VCL: variants seen among roughly 807,000 people sequenced by gnomAD.
VCL encodes epididymis luminal protein 114.
A neutral mutation model predicts 125.7 loss-of-function variants in VCL; 47 were observed. The observed-to-expected ratio is 0.37, with a 90% CI of 0.30 to 0.48. VCL has a LOEUF of 0.48. VCL is among the 20% of genes least tolerant of loss of function. VCL has a pLI of 0.99. For missense variants in VCL, 1,069 were observed against 1,455.5 expected (o/e 0.73, Z 4.32); for synonymous variants, 458 against 514.6 (o/e 0.89, Z 1.49).
At position 74,089,323 on chromosome 10, in the gene VCL, A is replaced by G. The variant is rs1839839654; in HGVS notation, c.1150A>G (p.Ile384Val). ...LEAMTNSKQS[I>V]AKKIDAAQNW... ...AGCCATGACCAACTCAAAGCAGAGC[A>G]TTGCAAAGAAGATCGATGCTGCTCA... The change falls in exon 9 of 22, where the codon ATT (isoleucine) becomes GTT (valine). Residue 384 changes from isoleucine (I) to valine (V), a missense_variant. Transcript: ENST00000211998. The G allele has an allele frequency of 6.2e-7, 1 of 1,614,000 alleles. No homozygotes were observed. The highest frequency in any genetic ancestry group is 1.7e-4 in the Middle Eastern group (1 of 6,060).
Position 74,118,619 on chromosome 10 carries a change from C to A in VCL, c.*450C>A. The A allele has an allele frequency of 4.0e-6, 1 of 250,612 alleles. No individual in the cohort carries two copies. The highest frequency in any genetic ancestry group is 7.9e-6 in the Non-Finnish European group (1 of 126,084). The allele number at this position is 250,612 out of a possible 1,614,324, so 15.5% of individuals were successfully genotyped here. A position where few individuals can be genotyped will look rare whatever the true frequency, so the allele number is the denominator to read the frequency against. ...ACTAAGAAGAAAATTGCTGTGCCTC[C>A]CAAAATTGTTTTGAGCTTTCCATGT... is the stretch of plus-strand genomic sequence containing the variant. On this transcript the variant is annotated 3_prime_UTR_variant, in exon 22 of 22. Transcript: ENST00000211998.
chr10:74,060,578 C>G (rs1012089745), intron 2 of VCL, among the ~76,000 whole-genome samples: 20 of 150,720 alleles, frequency 1.3e-4, no homozygotes, highest in Non-Finnish European at 2.7e-4. Context: ...ATTGCTTGAG[C>G]CCAGGGAACG....
chr10:74,089,162 G>A, intron 8 of VCL, 34 bp from the exon 9 acceptor site: 2 of 1,613,490 alleles, frequency 1.2e-6, no homozygotes, highest in Non-Finnish European at 1.7e-6. Flanking sequence ...GTATTTGAGG[G>A]TGTACAATGA....
chr10:74,041,166 AT>A (rs56303815), intron 1 of VCL, among the ~76,000 whole-genome samples: 5 of 151,038 alleles, frequency 3.3e-5, no homozygotes, highest in African/African-American at 1.2e-4. Flanking sequence ...TTCTTACTCC[AT>A]TTTTTTTTCC....
chr10:74,065,749 T>C (rs1591683502), intron 2 of VCL, among the ~76,000 whole-genome samples: 1 of 151,810 alleles, frequency 6.6e-6, no homozygotes, highest in East Asian at 1.9e-4. Context: ...ATTGACCAGA[T>C]TGGCATATTA....
chr10:74,032,545 C>G (rs914154422), intron 1 of VCL, among the ~76,000 whole-genome samples: 3 of 151,312 alleles, frequency 2.0e-5, no homozygotes, highest in African/African-American at 7.3e-5. Context: ...CAAAAAAATA[C>G]AAAAATTAGC....
chr10:74,005,856 TTATTGTTG>T (rs1336206407), intron 1 of VCL, among the ~76,000 whole-genome samples: 1 of 152,060 alleles, frequency 6.6e-6, no homozygotes, highest in Admixed American at 6.6e-5. Context: ...ATTTTTATTT[TTATTGTTG>T]TATTGTTTTT....
intron 20 of VCL, 21 bp downstream of exon 20, chr10:74,114,408 C>T (rs1487886338): frequency 1.4e-5 from 20 of 1,452,202 alleles, no homozygotes; most frequent in Admixed American, 7.2e-5. Flanking sequence ...AAAGAGGCTG[C>T]GTGTGTGTGT....
At chr10:74,089,402 G>T in intron 9 of VCL, 53 bp downstream of exon 9, 1 of 1,606,758 alleles carries the variant, frequency 6.2e-7, no homozygotes. Flanking sequence ...AATATCCTAA[G>T]TCATAAATAT....
At chr10:74,107,876 G>A (rs1023092608) in intron 17 of VCL, among the ~76,000 whole-genome samples, 4 of 152,126 alleles carry the variant, frequency 2.6e-5, no homozygotes, top group South Asian at 2.1e-4. Flanking sequence ...CGCAAGTACT[G>A]TGAATATATT....
intron 1 of VCL, among the ~76,000 whole-genome samples, chr10:74,022,540 C>T (rs563644230): frequency 1.5e-4 from 23 of 149,204 alleles, no homozygotes; most frequent in South Asian, 1.1e-3. Context: ...AGCGAGACTC[C>T]GTCTCAAGAA....
chr10:74,088,424 G>A (rs567029399), intron 8 of VCL, among the ~76,000 whole-genome samples: 2 of 152,156 alleles, frequency 1.3e-5, no homozygotes, highest in East Asian at 1.9e-4. Flanking sequence ...AGCTAGTTTC[G>A]ATTATTTATA....
Position 74,094,345 on chromosome 10 carries a change from A to C in VCL, c.1427A>C (p.Lys476Thr). ...VATALQNLQT[K>T]TNRAVANSRP... ...ACGGCCCTGCAGAACCTGCAGACCA[A>C]AACCAACCGGGCTGTGGCCAACAGC... Residue 476 changes from lysine to threonine, a missense_variant, in exon 11 of 22, where the codon AAA (lysine) becomes ACA (threonine). This residue lies in a region of VCL where 760 missense variants were observed against 928.9 expected (regional missense o/e 0.82). Coordinates refer to ENST00000211998, the MANE Select transcript of VCL (RefSeq NM_014000.3). 6.2e-7 allele frequency: 1 copy of C among 1,614,178 alleles called. No individual in the cohort carries two copies. Among genetic ancestry groups the C allele is most frequent in the Non-Finnish European group, 8.5e-7 (1 of 1,180,020 alleles).
chr10:74,113,281 C>G (rs1328875244), intron 19 of VCL, among the ~76,000 whole-genome samples: 1 of 152,204 alleles, frequency 6.6e-6, no homozygotes, highest in Non-Finnish European at 1.5e-5. Flanking sequence ...TGTTTCTTTA[C>G]TATGACCCAT....
In VCL at chr10:74,039,771, AAAAAG is replaced by A. The variant is rs141361285; in HGVS notation, c.169-3287_169-3283del. On this transcript the variant is annotated intron_variant, in intron 1 of 21. Coordinates refer to ENST00000211998, the MANE Select transcript of VCL (RefSeq NM_014000.3). ...ATATGGGGCCAGATCATGTCTCTTA[AAAAAG>A]AAAAGAAAAGAAAAGAAAAGAAAAA... 7.4e-3 allele frequency among the ~76,000 whole-genome samples: 1,126 copies of A among 151,862 alleles called. 7 individuals carry two copies. Among genetic ancestry groups the A allele is most frequent in the African/African-American group, 0.022 (913 of 41,316 alleles).
chr10:74,092,567 C>T (rs1226384974), intron 10 of VCL, among the ~76,000 whole-genome samples: 1 of 152,162 alleles, frequency 6.6e-6, no homozygotes, highest in Non-Finnish European at 1.5e-5. Context: ...GTGTGGGATC[C>T]TCTATGTCTG....
At chr10:74,040,697 G>A (rs1270575535) in intron 1 of VCL, among the ~76,000 whole-genome samples, 2 of 152,174 alleles carry the variant, frequency 1.3e-5, no homozygotes, top group African/African-American at 4.8e-5. Context: ...GATACAGACA[G>A]TCTATTGTCT....
At chr10:74,104,100 A>G (rs977411712) in intron 15 of VCL, among the ~76,000 whole-genome samples, 172 bp downstream of exon 15, 1 of 152,200 alleles carries the variant, frequency 6.6e-6, no homozygotes, top group Non-Finnish European at 1.5e-5. Flanking sequence ...TTCTCATTCA[A>G]GCCTTGCAAC....
intron 1 of VCL, among the ~76,000 whole-genome samples, chr10:74,036,242 G>A (rs1243791036): frequency 6.6e-6 from 1 of 151,574 alleles, no homozygotes; most frequent in Admixed American, 6.6e-5. Flanking sequence ...TGCTTTTGTC[G>A]CCCAGGCTGG....
Sources: gnomAD v4.1 joint callset for allele counts (sites outside exome capture counted in the v4.1 genomes callset) on GRCh38, gnomAD v4.1.1 for gene constraint, gnomAD v4.1.1 regional missense constraint, MANE v1.5 for transcripts, NCBI Gene and HGNC (gene_info 2026-07-23, HGNC 2026-07-21) for gene names.